Variants in TNFRSF1A observed in about 807,000 individuals in gnomAD.
TNFRSF1A encodes TNF receptor superfamily member 1A, also known as tumor necrosis factor receptor superfamily member 1A.
TNFRSF1A carries 9 observed loss-of-function variants against 41.6 expected under a neutral mutation model. That is an observed-to-expected ratio of 0.22 (90% CI 0.13 to 0.38). The LOEUF (loss-of-function observed/expected upper bound fraction) is 0.38, where lower values mean the gene tolerates loss of function less well. Among genes scored for constraint, TNFRSF1A ranks in the 10% least tolerant of loss-of-function variants. TNFRSF1A has a pLI of 1.00. For synonymous variants in TNFRSF1A, 254 were observed against 248.6 expected (o/e 1.02, Z -0.21); for missense variants, 463 against 591.5 (o/e 0.78, Z 2.25).
Position 6,330,532 on chromosome 12 carries a change from A to G in TNFRSF1A, c.739+66T>C, listed in dbSNP as rs1330351692. 11 of 1,257,256 alleles carry G rather than the reference A, an allele frequency of 8.7e-6. No individual in the cohort carries two copies. The East Asian group carries it at 1.5e-4, about 17-fold the overall frequency. 77.9% of individuals were successfully genotyped at this position (1,257,256 alleles called of 1,614,324 possible). A position where few individuals can be genotyped will look rare whatever the true frequency, so the allele number is the denominator to read the frequency against. ...TCCTCACCTCCCTCCACACATGTCC[A>G]TCGCACCCACCCATGTCCTCCCTCA... is the stretch of plus-strand genomic sequence containing the variant. On this transcript the variant is annotated intron_variant, in intron 7 of 9. Transcript: ENST00000162749.
In TNFRSF1A at chr12:6,334,817, C is replaced by T. The variant is rs1948099534; in HGVS notation, c.40-573G>A. ...CTGTATTTTATCCTTACTGTGAAAT[C>T]CCCCACAGCAGCTAACAGTGCTGGA... On this transcript the variant is annotated intron_variant, in intron 1 of 9. Coordinates refer to ENST00000162749, the MANE Select transcript of TNFRSF1A (RefSeq NM_001065.4). The surrounding 1 kb of genome is among the most constrained non-coding windows in gnomAD (Gnocchi z 5.1). Among the ~76,000 whole-genome samples the T allele has an allele frequency of 6.6e-6, 1 of 152,174 alleles. No homozygotes were observed. The highest frequency in any genetic ancestry group is 6.5e-5 in the Admixed American group (1 of 15,276).
chr12:6,330,600 ATGGAGTAGAGCT>A lies in TNFRSF1A; in HGVS notation c.725_736del (p.Lys242_Ser245del). The stretch of plus-strand genomic sequence containing the variant: ...TCCCTCCCAAAGCCCCCACTCACCA[ATGGAGTAGAGCT>A]TGGACTTCCACCGTTGGTAGCGATA... On this transcript the variant is annotated inframe_deletion, in exon 7 of 10. Transcript: ENST00000162749. 6.2e-7 allele frequency: 1 copy of A among 1,609,986 alleles called. No homozygotes were observed. The highest frequency in any genetic ancestry group is 8.5e-7 in the Non-Finnish European group (1 of 1,176,340).
chr12:6,340,473 G>C (rs1391862050), intron 1 of TNFRSF1A, among the ~76,000 whole-genome samples: 1 of 152,190 alleles, frequency 6.6e-6, no homozygotes, highest in African/African-American at 2.4e-5. Context: ...GGAGACCGTG[G>C]GGGAAGGACA....
At position 6,341,646 on chromosome 12, in the gene TNFRSF1A, C is replaced by A. The variant is rs368245622; in HGVS notation, c.39+130G>T. 1.9e-5 allele frequency: 20 copies of A among 1,065,146 alleles called. 1 individual carries two copies. The East Asian group carries it at 4.6e-4, about 24-fold the overall frequency. 66.0% of individuals were successfully genotyped at this position (1,065,146 alleles called of 1,614,324 possible). ...CACTGGCAGTGGCTGAGGTTAGGAC[C>A]TGCAGGCCTGAGGCTGGCGCCAGGA... On this transcript the variant is annotated intron_variant, in intron 1 of 9. Coordinates refer to ENST00000162749, the MANE Select transcript of TNFRSF1A (RefSeq NM_001065.4). The surrounding 1 kb of genome is among the most constrained non-coding windows in gnomAD (Gnocchi z 4.6).
At chr12:6,340,851 GAT>G (rs1948186220) in intron 1 of TNFRSF1A, among the ~76,000 whole-genome samples, 1 of 152,208 alleles carries the variant, frequency 6.6e-6, no homozygotes, top group African/African-American at 2.4e-5. Context: ...GACGATCAAG[GAT>G]ACATTGAAAC....
chr12:6,333,587 CT>C lies in TNFRSF1A; in HGVS notation c.323-72del. The C allele has an allele frequency of 6.2e-7, 1 of 1,605,310 alleles. No homozygotes were observed. On this transcript the variant is annotated intron_variant, in intron 3 of 9. Transcript: ENST00000162749. The surrounding 1 kb of genome is among the most constrained non-coding windows in gnomAD (Gnocchi z 6.3). Reference sequence around the variant, plus strand: ...CCTGCATCCCCTTCCTGACATACCCCTAAGTGTGTGTCTCTGTAATACACAC... The same window carrying C: ...CCTGCATCCCCTTCCTGACATACCCCAAGTGTGTGTCTCTGTAATACACAC...
rs745814061 is a variant in TNFRSF1A at position 6,329,368 on chromosome 12, C to G, written c.1312G>C (p.Glu438Gln). The change falls in exon 10 of 10, where the codon GAG becomes CAG. Residue 438 changes from glutamate (E) to glutamine (Q), a missense_variant. Transcript: ENST00000162749. ...MDLLGCLEDI[E>Q]EALCGPAALP... ...GCGGCGGGGCCGCAAAGCGCCTCCTCGATGTCCTCCAGGCAGCCCAGCAGG... is the reference window on the plus strand; with the variant it reads ...GCGGCGGGGCCGCAAAGCGCCTCCTGGATGTCCTCCAGGCAGCCCAGCAGG... The G allele has an allele frequency of 1.1e-5, 16 of 1,505,266 alleles. No homozygotes were observed. The highest frequency in any genetic ancestry group is 1.4e-5 in the African/African-American group (1 of 69,516). 93.2% of individuals were successfully genotyped at this position (1,505,266 alleles called of 1,614,324 possible).
rs1287389016 is a variant in TNFRSF1A at position 6,329,072 on chromosome 12, T to C, written c.*240A>G. The C allele has an allele frequency of 2.4e-6, 1 of 414,600 alleles. No individual in the cohort carries two copies. The highest frequency in any genetic ancestry group is 4.2e-6 in the Non-Finnish European group (1 of 238,870). 25.7% of individuals were successfully genotyped at this position (414,600 alleles called of 1,614,324 possible). ...CGGGCATGAGGCATAGCGTCCCTCATCCTCGCAAACCACCCACTCAGGCTC... is the reference window on the plus strand; with the variant it reads ...CGGGCATGAGGCATAGCGTCCCTCACCCTCGCAAACCACCCACTCAGGCTC... On this transcript the variant is annotated 3_prime_UTR_variant, in exon 10 of 10. Transcript: ENST00000162749.
At chr12:6,330,113 GC>G in intron 8 of TNFRSF1A, 47 bp from the exon 9 acceptor site, 1 of 1,611,784 alleles carries the variant, frequency 6.2e-7, no homozygotes, top group Non-Finnish European at 8.5e-7. Context: ...GCGAAAACCA[GC>G]CCCGGCCCTC....
chr12:6,332,000 CAAAAAAAAA>C (rs750532640), intron 5 of TNFRSF1A: 6 of 78,854 alleles, frequency 7.6e-5, no homozygotes, highest in East Asian at 4.9e-4. Flanking sequence ...GACTCTGTGT[CAAAAAAAAA>C]AAAAAAAAAA....
At chr12:6,338,248 G>A (rs573748607) in intron 1 of TNFRSF1A, among the ~76,000 whole-genome samples, 52 of 152,008 alleles carry the variant, frequency 3.4e-4, no homozygotes, top group Admixed American at 1.2e-3. Flanking sequence ...TCGACTTCCC[G>A]GACGAATGCT....
In TNFRSF1A at chr12:6,330,591, C is replaced by T; in HGVS notation, c.739+7G>A. On this transcript the variant is annotated splice_region_variant and intron_variant, in intron 7 of 9. Coordinates refer to ENST00000162749, the MANE Select transcript of TNFRSF1A (RefSeq NM_001065.4). ...AGCTCCCTCTCCCTCCCAAAGCCCC[C>T]ACTCACCAATGGAGTAGAGCTTGGA... 1 of 1,600,980 alleles carries T rather than the reference C, an allele frequency of 6.2e-7. No individual in the cohort carries two copies. Among genetic ancestry groups the T allele is most frequent in the Non-Finnish European group, 8.6e-7 (1 of 1,168,244 alleles).
Position 6,342,053 on chromosome 12 carries a change from G to C in TNFRSF1A, c.-239C>G, listed in dbSNP as rs200166102. The stretch of plus-strand genomic sequence containing the variant: ...GAGAAAATTAAAGCAGAGAGGAGGG[G>C]AGAGAAGGTGGGAGGGGAAGAGTGA... On this transcript the variant is annotated 5_prime_UTR_variant, in exon 1 of 10. Coordinates refer to ENST00000162749, the MANE Select transcript of TNFRSF1A (RefSeq NM_001065.4). 4 of 594,650 alleles carry C rather than the reference G, an allele frequency of 6.7e-6. No homozygotes were observed. Among genetic ancestry groups the C allele is most frequent in the Non-Finnish European group, 1.2e-5 (4 of 327,656 alleles). The allele number at this position is 594,650 out of a possible 1,614,324, so 36.8% of individuals were successfully genotyped here. A position where few individuals can be genotyped will look rare whatever the true frequency, so the allele number is the denominator to read the frequency against.
rs879040559 is a variant in TNFRSF1A, at chr12:6,330,369, G to A, written c.740-74C>T. 1.3e-5 allele frequency: 19 copies of A among 1,413,066 alleles called. No homozygotes were observed. In the South Asian group the frequency reaches 2.1e-4, roughly 15 times the overall value. 87.5% of individuals were successfully genotyped at this position (1,413,066 alleles called of 1,614,324 possible). A position where few individuals can be genotyped will look rare whatever the true frequency, so the allele number is the denominator to read the frequency against. ...CCTGGCACCCTGGACTCAGCTGGCAGTGGGGACTTGTGGTGACATGCCTCA... is the reference window on the plus strand; with the variant it reads ...CCTGGCACCCTGGACTCAGCTGGCAATGGGGACTTGTGGTGACATGCCTCA... On this transcript the variant is annotated intron_variant, in intron 7 of 9. Transcript: ENST00000162749.
At position 6,341,768 on chromosome 12, in the gene TNFRSF1A, G is replaced by C. The variant is rs1948198362; in HGVS notation, c.39+8C>G. The C allele has an allele frequency of 4.3e-6, 7 of 1,613,952 alleles. No individual in the cohort carries two copies. In the South Asian group the frequency reaches 7.7e-5, roughly 18 times the overall value. ...CCAGCCCACTCTTCCCTTTGTCCCT[G>C]GTCTCACCAGTGGCAGCAGCAGGTC... On this transcript the variant is annotated splice_region_variant and intron_variant, in intron 1 of 9. Transcript: ENST00000162749. This position sits in a 1 kb window ranked among gnomAD's most constrained non-coding sequence, Gnocchi z 4.6.
chr12:6,340,053 A>G (rs1948174570), intron 1 of TNFRSF1A, among the ~76,000 whole-genome samples: 1 of 151,898 alleles, frequency 6.6e-6, no homozygotes, highest in Admixed American at 6.6e-5. Context: ...GGCTACCTTT[A>G]CCCTCTGTTT....
rs1948080774 is a variant in TNFRSF1A, at chr12:6,333,601, C to G, written c.323-85G>C. 3.8e-6 allele frequency: 6 copies of G among 1,595,932 alleles called. No homozygotes were observed. Among genetic ancestry groups the G allele is most frequent in the Non-Finnish European group, 5.1e-6 (6 of 1,168,384 alleles). On this transcript the variant is annotated intron_variant, in intron 3 of 9. Coordinates refer to ENST00000162749, the MANE Select transcript of TNFRSF1A (RefSeq NM_001065.4). This position sits in a 1 kb window ranked among gnomAD's most constrained non-coding sequence, Gnocchi z 6.3. The stretch of plus-strand genomic sequence containing the variant: ...CTGACATACCCCTAAGTGTGTGTCT[C>G]TGTAATACACACTCACATCCATGCA...
chr12:6,329,456 C>T lies in TNFRSF1A; in HGVS notation c.1224G>A (p.Arg408=). 3 of 1,590,792 alleles carry T rather than the reference C, an allele frequency of 1.9e-6. No homozygotes were observed. The highest frequency in any genetic ancestry group is 2.6e-6 in the Non-Finnish European group (3 of 1,175,772). ...TGGCCTCGCGCCGCGGCGTGCGCCG[C>T]CTCCAGGTCGCCAGCATGCTGTATT... ...EAQYSMLATW[R]RRTPRREATL... is the part of the protein sequence containing the mutation. Residue 408 remains arginine (R), a synonymous_variant, in exon 10 of 10, where the codon AGG becomes AGA. Coordinates refer to ENST00000162749, the MANE Select transcript of TNFRSF1A (RefSeq NM_001065.4).
chr12:6,329,246 GA>G lies in TNFRSF1A; in HGVS notation c.*65del, dbSNP rs907952909. 2 of 1,415,248 alleles carry G rather than the reference GA, an allele frequency of 1.4e-6. No homozygotes were observed. The highest frequency in any genetic ancestry group is 3.3e-5 in the South Asian group (2 of 61,348). 87.7% of individuals were successfully genotyped at this position (1,415,248 alleles called of 1,614,324 possible). ...GCCCCTGCAGGACCCCTCCTTTCCA[GA>G]AAAAAGTGGGGTTGGAAGGCGATCT... On this transcript the variant is annotated 3_prime_UTR_variant, in exon 10 of 10. Coordinates refer to ENST00000162749, the MANE Select transcript of TNFRSF1A (RefSeq NM_001065.4).
Sources: allele counts gnomAD v4.1 joint callset (sites outside exome capture counted in the v4.1 genomes callset), GRCh38; gene constraint gnomAD v4.1.1; non-coding constraint Gnocchi (gnomAD v3.1); transcripts MANE v1.5; gene names NCBI Gene and HGNC (gene_info 2026-07-23, HGNC 2026-07-21).